SEC11A: variants seen among roughly 807,000 people sequenced by gnomAD.
SEC11A encodes the protein SEC11 homolog A, signal peptidase complex subunit.
A neutral mutation model predicts 25.6 loss-of-function variants in SEC11A; 14 were observed. The ratio of observed to expected loss-of-function variants is 0.55; its 90% confidence interval spans 0.36 to 0.85. The LOEUF (loss-of-function observed/expected upper bound fraction) is 0.85, where lower values mean the gene tolerates loss of function less well. Ranked by LOEUF, SEC11A falls within the 40% of genes least tolerant of loss-of-function variation. The pLI is 0.01. For synonymous variants in SEC11A, 83 were observed against 76.4 expected (o/e 1.09, Z -0.45); for missense variants, 153 against 222.9 (o/e 0.69, Z 2.00).
chr15:84,693,438 A>C, intron 1 of SEC11A, among the ~76,000 whole-genome samples: 1 of 143,310 alleles, frequency 7.0e-6, no homozygotes, highest in Non-Finnish European at 1.5e-5. Context: ...GACATTAGGA[A>C]ATTCATGTTT....
At chr15:84,712,506 G>A (rs865862729) in intron 1 of SEC11A, among the ~76,000 whole-genome samples, 8 of 149,646 alleles carry the variant, frequency 5.3e-5, no homozygotes, top group Non-Finnish European at 1.2e-4. Context: ...GGAGTGCAGT[G>A]GTGCGATCTG....
intron 5 of SEC11A, chr15:84,670,489 T>A (rs916529221): frequency 3.3e-5 from 10 of 301,248 alleles, no homozygotes; most frequent in Non-Finnish European, 5.6e-5. Context: ...TCTGCCTGCC[T>A]CAGCCTCCCA....
In SEC11A at chr15:84,691,601, G is replaced by A; in HGVS notation, c.95C>T (p.Ala32Val). 1 of 1,612,850 alleles carries A rather than the reference G, an allele frequency of 6.2e-7. No homozygotes were observed. The highest frequency in any genetic ancestry group is 1.1e-5 in the South Asian group (1 of 91,034). The part of the protein sequence containing the change: ...VLNFGMIVSS[A>V]LMIWKGLMVI... ...CATTAACCCCTTCCAGATCATTAGTGCCGATGAGACAATCATTCCAAAATT... is the reference window on the plus strand; with the variant it reads ...CATTAACCCCTTCCAGATCATTAGTACCGATGAGACAATCATTCCAAAATT... The change falls in exon 2 of 6, where the codon GCA (alanine) becomes GTA (valine). Residue 32 changes from alanine (A) to valine (V), a missense_variant. Physicochemically the swap from Ala to Val is moderately conservative, Grantham distance 64. Transcript: ENST00000268220.
intron 2 of SEC11A, among the ~76,000 whole-genome samples, chr15:84,688,623 A>G (rs929442328): frequency 2.6e-5 from 4 of 152,240 alleles, no homozygotes; most frequent in African/African-American, 9.6e-5. Context: ...AGTTCAACGC[A>G]GGAATAAGTA....
chr15:84,690,327 A>G (rs1229089459), intron 2 of SEC11A, among the ~76,000 whole-genome samples: 1 of 152,188 alleles, frequency 6.6e-6, no homozygotes, highest in Non-Finnish European at 1.5e-5. Flanking sequence ...ACCTTCTGCC[A>G]TGATTGTGGG....
At chr15:84,682,673 A>G (rs747626918) in intron 3 of SEC11A, among the ~76,000 whole-genome samples, 10 of 151,854 alleles carry the variant, frequency 6.6e-5, no homozygotes, top group Non-Finnish European at 1.2e-4. Context: ...CTGGTCTGGA[A>G]CTCCTGACCT....
chr15:84,674,926 T>G (rs1234297805), intron 4 of SEC11A, among the ~76,000 whole-genome samples: 1 of 152,136 alleles, frequency 6.6e-6, no homozygotes, highest in Non-Finnish European at 1.5e-5. Flanking sequence ...AACTTGGTCT[T>G]TAGGAGTAAT....
intron 4 of SEC11A, chr15:84,671,527 C>T (rs1896982660): frequency 6.6e-6 from 1 of 152,208 alleles, no homozygotes; most frequent in Non-Finnish European, 1.5e-5. Flanking sequence ...TTTTTCCCCT[C>T]AAACTAAGCA....
At chr15:84,670,845 C>T in intron 4 of SEC11A, 63 bp from the exon 5 acceptor site, 2 of 739,018 alleles carry the variant, frequency 2.7e-6, no homozygotes, top group Non-Finnish European at 4.4e-6. Context: ...TTGTCACTCA[C>T]TGAATATTAT....
At chr15:84,700,242 A>T (rs999579440) in intron 1 of SEC11A, among the ~76,000 whole-genome samples, 2 of 148,646 alleles carry the variant, frequency 1.3e-5, no homozygotes, top group African/African-American at 4.9e-5. Flanking sequence ...TATGACCTAT[A>T]ATGAGAAAAA....
intron 1 of SEC11A, among the ~76,000 whole-genome samples, chr15:84,713,669 T>C (rs1325541472): frequency 1.3e-5 from 2 of 152,190 alleles, no homozygotes; most frequent in Non-Finnish European, 2.9e-5. Context: ...GCCTATTCAT[T>C]GTATCTTCAT....
At chr15:84,713,796 G>A (rs1898366181) in intron 1 of SEC11A, among the ~76,000 whole-genome samples, 1 of 152,076 alleles carries the variant, frequency 6.6e-6, no homozygotes, top group South Asian at 2.1e-4. Context: ...CTTCCCTTTT[G>A]ATTATTGGAA....
chr15:84,698,391 G>A (rs1334422498), intron 1 of SEC11A, among the ~76,000 whole-genome samples: 2 of 152,106 alleles, frequency 1.3e-5, no homozygotes, highest in African/African-American at 4.8e-5. Context: ...CTCAAATTAA[G>A]GGACTCATTA....
chr15:84,695,395 G>T (rs1317595485), intron 1 of SEC11A, among the ~76,000 whole-genome samples: 1 of 150,188 alleles, frequency 6.7e-6, no homozygotes, highest in Admixed American at 6.6e-5. Flanking sequence ...CCTGGGAGGC[G>T]GAGGTTGCAG....
intron 3 of SEC11A, among the ~76,000 whole-genome samples, chr15:84,686,208 A>G (rs1897417604): frequency 6.6e-6 from 1 of 152,264 alleles, no homozygotes; most frequent in African/African-American, 2.4e-5. Flanking sequence ...TTTATTAAAA[A>G]AAAATAAGCA....
intron 1 of SEC11A, among the ~76,000 whole-genome samples, chr15:84,705,812 A>G (rs938378132): frequency 1.3e-5 from 2 of 151,396 alleles, no homozygotes; most frequent in Non-Finnish European, 2.9e-5. Context: ...CCGAGATCGC[A>G]CCACTGCACT....
chr15:84,679,155 A>T, intron 4 of SEC11A: 2 of 520,000 alleles, frequency 3.8e-6, no homozygotes, highest in Non-Finnish European at 6.1e-6. Flanking sequence ...TTATGTTTCT[A>T]CATGAATCTG....
intron 1 of SEC11A, among the ~76,000 whole-genome samples, chr15:84,699,249 A>G (rs569350693): frequency 7.0e-6 from 1 of 143,090 alleles, no homozygotes; most frequent in East Asian, 2.3e-4. Context: ...TGGGAGGCAG[A>G]GGTTGCAGTG....
At chr15:84,675,631 T>C (rs1348958520) in intron 4 of SEC11A, among the ~76,000 whole-genome samples, 3 of 152,210 alleles carry the variant, frequency 2.0e-5, no homozygotes, top group African/African-American at 7.2e-5. Flanking sequence ...ACTCCTTCCT[T>C]ATATATTTTT....
Sources: allele counts gnomAD v4.1 joint callset (sites outside exome capture counted in the v4.1 genomes callset), GRCh38; gene constraint gnomAD v4.1.1; transcripts MANE v1.5; gene names NCBI Gene and HGNC (gene_info 2026-07-23, HGNC 2026-07-21).